ARID4B: variants seen among roughly 807,000 people sequenced by gnomAD.
ARID4B encodes the protein AT-rich interaction domain 4B.
ARID4B carries 26 observed loss-of-function variants against 147.5 expected under a neutral mutation model. That is an observed-to-expected ratio of 0.18 (90% CI 0.13 to 0.24). ARID4B has a LOEUF of 0.24. ARID4B is among the 10% of genes least tolerant of loss of function. The pLI is 1.00. For synonymous variants in ARID4B, 512 were observed against 507.9 expected (o/e 1.01, Z -0.11); for missense variants, 1,179 against 1,511.5 (o/e 0.78, Z 3.65).
At chr1:235,305,287 G>T (rs1435978306) in intron 2 of ARID4B, among the ~76,000 whole-genome samples, 2 of 152,180 alleles carry the variant, frequency 1.3e-5, no homozygotes, top group Non-Finnish European at 2.9e-5. Context: ...CTCCCCTAGA[G>T]CCTGAAGAAG....
intron 2 of ARID4B, among the ~76,000 whole-genome samples, chr1:235,305,874 C>G (rs1384934025): frequency 6.6e-6 from 1 of 152,150 alleles, no homozygotes; most frequent in Non-Finnish European, 1.5e-5. Flanking sequence ...GTGGGAGGAT[C>G]ACCTGGGCCC....
chr1:235,232,940 C>A (rs1308934361), intron 9 of ARID4B, among the ~76,000 whole-genome samples: 2 of 151,986 alleles, frequency 1.3e-5, no homozygotes, highest in Non-Finnish European at 2.9e-5. Flanking sequence ...CAGGTTCAAG[C>A]GATTCTCCTG....
intron 2 of ARID4B, among the ~76,000 whole-genome samples, chr1:235,299,564 C>T (rs913405933): frequency 1.3e-5 from 2 of 152,202 alleles, no homozygotes; most frequent in Admixed American, 1.3e-4. Flanking sequence ...TCAGCCTAGT[C>T]AAAAATTAAC....
intron 2 of ARID4B, among the ~76,000 whole-genome samples, chr1:235,324,287 G>A (rs1040461964): frequency 1.3e-5 from 2 of 152,130 alleles, no homozygotes; most frequent in African/African-American, 4.8e-5. Context: ...CTATGTTACA[G>A]CACAAATTCC....
intron 11 of ARID4B, among the ~76,000 whole-genome samples, chr1:235,225,123 C>G (rs1221733209): frequency 6.6e-6 from 1 of 152,074 alleles, no homozygotes; most frequent in East Asian, 1.9e-4. Context: ...ATCACAGGTT[C>G]AAGAATACCT....
intron 2 of ARID4B, among the ~76,000 whole-genome samples, chr1:235,313,900 G>A (rs998147506): frequency 5.3e-5 from 8 of 152,084 alleles, no homozygotes; most frequent in African/African-American, 1.9e-4. Flanking sequence ...CAGATTTAAG[G>A]CTTAATCACA....
rs71576468 is a variant in ARID4B, at chr1:235,277,594, TTGTGTGTGTGTGTG to T, written c.7-16856_7-16843del. Reference sequence around the variant, plus strand: ...ATGAGACCATTTTTAATGCCTTATATTGTGTGTGTGTGTGTGTGTGTGTGTGTGTGTGTGTGTGT... The same window carrying T: ...ATGAGACCATTTTTAATGCCTTATATTGTGTGTGTGTGTGTGTGTGTGTGT... On this transcript the variant is annotated intron_variant, in intron 2 of 23. Coordinates refer to ENST00000264183, the MANE Select transcript of ARID4B (RefSeq NM_016374.6). Among the ~76,000 whole-genome samples, 1,154 of 129,592 alleles carry T rather than the reference TTGTGTGTGTGTGTG, an allele frequency of 8.9e-3. 21 individuals are homozygous for T. Among genetic ancestry groups the T allele is most frequent in the African/African-American group, 0.028 (924 of 32,872 alleles). The allele number at this position is 129,592 out of a possible 152,430, so 85.0% of individuals were successfully genotyped here.
chr1:235,217,594 T>C (rs1313498209), intron 16 of ARID4B, among the ~76,000 whole-genome samples: 1 of 152,154 alleles, frequency 6.6e-6, no homozygotes, highest in Non-Finnish European at 1.5e-5. Context: ...CTCTTTACAA[T>C]GAAACAAAAA....
intron 2 of ARID4B, among the ~76,000 whole-genome samples, chr1:235,306,226 A>G (rs1203227062): frequency 6.6e-6 from 1 of 152,184 alleles, no homozygotes; most frequent in Non-Finnish European, 1.5e-5. Context: ...CTACTAAAAA[A>G]TAAGATTGTG....
chr1:235,192,834 G>A (rs889733370), intron 19 of ARID4B, among the ~76,000 whole-genome samples: 1 of 151,874 alleles, frequency 6.6e-6, no homozygotes, highest in Admixed American at 6.6e-5. Context: ...GGCCAGGCGC[G>A]GTGGCTCACG....
intron 19 of ARID4B, among the ~76,000 whole-genome samples, chr1:235,189,653 T>G (rs1258567645): frequency 6.6e-6 from 1 of 151,526 alleles, no homozygotes; most frequent in Admixed American, 6.6e-5. Flanking sequence ...ACCCAACTAC[T>G]TGGGAGGCTG....
chr1:235,257,793 C>CT (rs1670075851), intron 3 of ARID4B, among the ~76,000 whole-genome samples: 1 of 152,084 alleles, frequency 6.6e-6, no homozygotes. Context: ...ACATATCATC[C>CT]TTTATTTCAA....
intron 11 of ARID4B, chr1:235,228,934 T>A: frequency 3.9e-6 from 1 of 255,288 alleles, no homozygotes; most frequent in Non-Finnish European, 7.4e-6. Context: ...CCTGAGCCAC[T>A]GCGCCCAGCC....
At chr1:235,304,724 G>A (rs1673424176) in intron 2 of ARID4B, among the ~76,000 whole-genome samples, 1 of 152,122 alleles carries the variant, frequency 6.6e-6, no homozygotes, top group African/African-American at 2.4e-5. Context: ...AAACCCAGTG[G>A]TTACCTTGGA....
chr1:235,326,728 C>A (rs1675297396), intron 2 of ARID4B, 186 bp downstream of exon 2: 4 of 670,800 alleles, frequency 6.0e-6, no homozygotes, highest in Non-Finnish European at 1.1e-5. Context: ...CATCCTATAA[C>A]TGCCTCCAAC....
At chr1:235,230,711 C>CA (rs1195066279) in intron 10 of ARID4B, among the ~76,000 whole-genome samples, 1 of 151,262 alleles carries the variant, frequency 6.6e-6, no homozygotes, top group Non-Finnish European at 1.5e-5. Context: ...TGCCTGAGCT[C>CA]AGGAGTTCGA....
At chr1:235,168,768 TACA>T (rs777281382) in intron 23 of ARID4B, 116 bp from the exon 24 acceptor site, 316 of 1,103,988 alleles carry the variant, frequency 2.9e-4, no homozygotes, top group Admixed American at 3.7e-4. Context: ...TCATTTAGCT[TACA>T]ACAACAGTGG....
At chr1:235,241,752 C>T (rs1031813229) in intron 7 of ARID4B, among the ~76,000 whole-genome samples, 3 of 151,920 alleles carry the variant, frequency 2.0e-5, no homozygotes, top group Admixed American at 6.6e-5. Flanking sequence ...CTCCTGACCT[C>T]GTGATCCGCC....
chr1:235,186,553 G>A (rs1335675827), intron 19 of ARID4B, among the ~76,000 whole-genome samples: 1 of 151,730 alleles, frequency 6.6e-6, no homozygotes, highest in Admixed American at 6.6e-5. Flanking sequence ...TGGGACTACA[G>A]GCACACGCCA....
Sources: gnomAD v4.1 joint callset for allele counts (sites outside exome capture counted in the v4.1 genomes callset) on GRCh38, gnomAD v4.1.1 for gene constraint, MANE v1.5 for transcripts, NCBI Gene and HGNC (gene_info 2026-07-23, HGNC 2026-07-21) for gene names.